The following MOCS1 variants were observed in gnomAD, a reference collection of about 807,000 sequenced individuals.
MOCS1 encodes the protein molybdenum cofactor synthesis 1, also known as molybdenum cofactor biosynthesis protein 1.
In MOCS1, 39 loss-of-function variants were observed where a neutral mutation model predicts 57.6. That is an observed-to-expected ratio of 0.68 (90% confidence interval 0.52 to 0.88). MOCS1 has a LOEUF of 0.88. Ranked by LOEUF, MOCS1 falls within the 40% of genes least tolerant of loss-of-function variation. The probability of loss-of-function intolerance (pLI) is 0.00; values close to 1 mark genes in which losing one functional copy is unlikely to be tolerated. For missense variants in MOCS1, 795 were observed against 831.1 expected (o/e 0.96, Z 0.53); for synonymous variants, 334 against 335.7 (o/e 1.00, Z 0.05).
chr6:39,924,012 A>G (rs754941048), intron 3 of MOCS1, among the ~76,000 whole-genome samples: 9 of 152,218 alleles, frequency 5.9e-5, no homozygotes, highest in Non-Finnish European at 1.3e-4. Context: ...CGGGGCAGCA[A>G]TCAAGAACAT....
At chr6:39,929,519 C>T (rs1385313092) in intron 1 of MOCS1, among the ~76,000 whole-genome samples, 1 of 152,058 alleles carries the variant, frequency 6.6e-6, no homozygotes, top group Non-Finnish European at 1.5e-5. Flanking sequence ...CCAGTCTTGA[C>T]ATGATGGGGG....
chr6:39,925,989 T>G (rs1212414681), intron 2 of MOCS1, 144 bp from the exon 3 acceptor site: 3 of 849,728 alleles, frequency 3.5e-6, no homozygotes, highest in East Asian at 2.6e-5. Flanking sequence ...AAACCTGAGG[T>G]GGAAAAACCC....
intron 8 of MOCS1, among the ~76,000 whole-genome samples, chr6:39,911,872 C>T (rs1582809539): frequency 6.6e-6 from 1 of 152,220 alleles, no homozygotes; most frequent in African/African-American, 2.4e-5. Flanking sequence ...GACGAATGCA[C>T]AGGACATGCT....
In MOCS1 at chr6:39,934,428, A is replaced by T. The variant is rs1983771; in HGVS notation, c.-11T>A. ...TGGCCGCGCCGCCATGAAGCCTGATACGAGCGGAACCGCAGCCCGCTTCGG... is the reference window on the plus strand; with the variant it reads ...TGGCCGCGCCGCCATGAAGCCTGATTCGAGCGGAACCGCAGCCCGCTTCGG... On this transcript the variant is annotated 5_prime_UTR_variant, in exon 1 of 11. Transcript: ENST00000340692. 1 of 1,562,334 alleles carries T rather than the reference A, an allele frequency of 6.4e-7. No individual in the cohort carries two copies. The highest frequency in any genetic ancestry group is 8.6e-7 in the Non-Finnish European group (1 of 1,159,964).
chr6:39,921,685 A>G (rs555993899), intron 3 of MOCS1, among the ~76,000 whole-genome samples: 3 of 152,164 alleles, frequency 2.0e-5, no homozygotes, highest in Non-Finnish European at 4.4e-5. Context: ...TATACTCTAC[A>G]AGAAAGGCAG....
At chr6:39,927,689 G>A in intron 1 of MOCS1, 14 of 1,541,926 alleles carry the variant, frequency 9.1e-6, no homozygotes, top group Non-Finnish European at 1.2e-5. Flanking sequence ...GGGGGCGGAT[G>A]GTGATCTCTA....
At chr6:39,916,324 A>T (rs1247262881) in intron 3 of MOCS1, 92 bp from the exon 4 acceptor site, 2 of 1,500,632 alleles carry the variant, frequency 1.3e-6, no homozygotes, top group African/African-American at 1.4e-5. Context: ...TGTCCAGACA[A>T]GATGGATGGA....
intron 4 of MOCS1, among the ~76,000 whole-genome samples, chr6:39,915,748 A>G (rs1460394066): frequency 1.3e-5 from 2 of 152,062 alleles, no homozygotes; most frequent in African/African-American, 4.8e-5. Flanking sequence ...CTCATCGTAG[A>G]ATGACCAACT....
chr6:39,910,040 C>T lies in MOCS1; in HGVS notation c.982-85G>A, dbSNP rs999809634. ...TGAGGAGCTAACTCCTTCCCTGGTT[C>T]TCCCTCCGGGAGGAGCACCAGGGCC... On this transcript the variant is annotated intron_variant, in intron 8 of 10. Transcript: ENST00000340692. 1.9e-6 allele frequency: 3 copies of T among 1,592,478 alleles called. No homozygotes were observed. The Admixed American group carries it at 5.0e-5, about 27-fold the overall frequency.
chr6:39,914,394 A>T (rs552675775), intron 4 of MOCS1, among the ~76,000 whole-genome samples: 4 of 152,340 alleles, frequency 2.6e-5, no homozygotes, highest in Non-Finnish European at 5.9e-5. Flanking sequence ...CTCCCGTTTC[A>T]GTGTTTTTTC....
intron 7 of MOCS1, 123 bp from the exon 8 acceptor site, chr6:39,912,497 C>T: frequency 2.6e-6 from 2 of 757,120 alleles, no homozygotes; most frequent in South Asian, 2.9e-5. Flanking sequence ...CCACGTGAAG[C>T]TCCACCCAAG....
rs1025583289 is a variant in MOCS1, at chr6:39,927,497, CG to C, written c.124-43del. The C allele has an allele frequency of 7.5e-6, 12 of 1,609,858 alleles. No individual in the cohort carries two copies. Among genetic ancestry groups the C allele is most frequent in the Middle Eastern group, 1.7e-4 (1 of 6,056 alleles). ...GGGAGGAAGCATGGGCCCCTGCTAC[CG>C]GGCTGGGAAGAGGCACAAGGAGAAC... On this transcript the variant is annotated intron_variant, in intron 1 of 10. Transcript: ENST00000340692.
chr6:39,918,391 G>C (rs1349323251), intron 3 of MOCS1, among the ~76,000 whole-genome samples: 1 of 152,242 alleles, frequency 6.6e-6, no homozygotes, highest in Non-Finnish European at 1.5e-5. Flanking sequence ...CAATCATGGT[G>C]TAAGAATAAA....
rs746063426 is a variant in MOCS1, at chr6:39,906,323, G to A, written c.*34C>T. On this transcript the variant is annotated 3_prime_UTR_variant, in exon 11 of 11. Transcript: ENST00000340692. The stretch of plus-strand genomic sequence containing the variant: ...CAGCCTACATTGCATCCCAGCTCCA[G>A]GCCTGGGTGGGCCATGGGTGAGAAG... The A allele has an allele frequency of 3.3e-5, 52 of 1,599,556 alleles. No individual in the cohort carries two copies. The highest frequency in any genetic ancestry group is 3.8e-5 in the Non-Finnish European group (44 of 1,170,422).
At chr6:39,908,190 C>T (rs897342916) in intron 10 of MOCS1, among the ~76,000 whole-genome samples, 13 of 152,202 alleles carry the variant, frequency 8.5e-5, no homozygotes, top group African/African-American at 3.1e-4. Context: ...CTGTCTCTAG[C>T]CTGCCTTCCC....
rs753497618 is a variant in MOCS1, at chr6:39,906,446, A to G, written c.1822T>C (p.Cys608Arg). Residue 608 changes from cysteine to arginine, a missense_variant, in exon 11 of 11, where the codon TGC (cysteine) becomes CGC (arginine). This residue lies in a region of MOCS1 where 374 missense variants were observed against 422.6 expected (regional missense o/e 0.89). Coordinates refer to ENST00000340692, the MANE Select transcript of MOCS1 (RefSeq NM_001358530.2). ...ACGATGTCCCTGCTGACAGCCTTGC[A>G]CATGTCATACAGGGTGAGGGCGGCC... ...AVAALTLYDM[C>R]KAVSRDIVLE... The G allele has an allele frequency of 4.3e-6, 7 of 1,611,178 alleles. No individual in the cohort carries two copies. The highest frequency in any genetic ancestry group is 5.9e-6 in the Non-Finnish European group (7 of 1,177,636).
Position 39,904,704 on chromosome 6 carries a change from C to T in MOCS1, c.*1653G>A, listed in dbSNP as rs1327698321. 9 of 453,976 alleles carry T rather than the reference C, an allele frequency of 2.0e-5. No homozygotes were observed. The highest frequency in any genetic ancestry group is 9.4e-5 in the Admixed American group (4 of 42,562). 28.1% of individuals were successfully genotyped at this position (453,976 alleles called of 1,614,324 possible). On this transcript the variant is annotated 3_prime_UTR_variant, in exon 11 of 11. Coordinates refer to ENST00000340692, the MANE Select transcript of MOCS1 (RefSeq NM_001358530.2). ...GGGAACTGTGACTATCTATCTCCCCCGACTTCTACCAGGGATGCCTTCACG... is the reference window on the plus strand; with the variant it reads ...GGGAACTGTGACTATCTATCTCCCCTGACTTCTACCAGGGATGCCTTCACG...
At position 39,934,334 on chromosome 6, in the gene MOCS1, G is replaced by C. The variant is rs551708574; in HGVS notation, c.84C>G (p.Thr28=). The C allele has an allele frequency of 6.4e-7, 1 of 1,551,608 alleles. No homozygotes were observed. Among genetic ancestry groups the C allele is most frequent in the African/African-American group, 1.4e-5 (1 of 73,728 alleles). Residue 28 remains threonine, a synonymous_variant, in exon 1 of 11, where the codon ACC becomes ACG. Transcript: ENST00000340692. ...GCGCGGACTCCCCGGGGCAGGGCTG[G>C]GTCACCGGAGCCCCTGAGCTGCAGC... ...ARSCSSGAPV[T]QPCPGESARA...
chr6:39,923,103 G>A (rs1277569418), intron 3 of MOCS1, among the ~76,000 whole-genome samples: 1 of 152,164 alleles, frequency 6.6e-6, no homozygotes, highest in Non-Finnish European at 1.5e-5. Flanking sequence ...AGGGGCAAGG[G>A]GAGGTGTTTC....
Sources: gnomAD v4.1 joint callset for allele counts (sites outside exome capture counted in the v4.1 genomes callset) on GRCh38, gnomAD v4.1.1 for gene constraint, gnomAD v4.1.1 regional missense constraint, MANE v1.5 for transcripts, NCBI Gene and HGNC (gene_info 2026-07-23, HGNC 2026-07-21) for gene names.